The following COL4A4 variants were observed in gnomAD, a reference collection of about 807,000 sequenced individuals.
COL4A4 encodes the protein collagen alpha-4(IV) chain.
COL4A4 carries 105 observed loss-of-function variants against 192.9 expected under a neutral mutation model. The ratio of observed to expected loss-of-function variants is 0.54; its 90% CI spans 0.46 to 0.64. The LOEUF is 0.64. Among genes scored for constraint, COL4A4 ranks in the 30% least tolerant of loss-of-function variants. The pLI is 0.00. For missense variants in COL4A4, 1,967 were observed against 2,169.3 expected, an observed-to-expected ratio of 0.91 and a Z score of 1.85; for synonymous variants, 762 against 769.9, an observed-to-expected ratio of 0.99 and a Z score of 0.17.
intron 24 of COL4A4, among the ~76,000 whole-genome samples, chr2:227,078,500 G>T (rs1325948025): frequency 6.6e-6 from 1 of 152,156 alleles, no homozygotes; most frequent in Non-Finnish European, 1.5e-5. Flanking sequence ...CTCCCAAAGT[G>T]CAGGGATTAC....
At chr2:227,080,601 T>C in intron 23 of COL4A4, 52 bp from the exon 24 acceptor site, 1 of 1,501,122 alleles carries the variant, frequency 6.7e-7, no homozygotes, top group Non-Finnish European at 9.3e-7. Context: ...GAGGGTAAAG[T>C]AGGATAGAGA....
chr2:227,043,993 T>G (rs1971953638), intron 35 of COL4A4, among the ~76,000 whole-genome samples: 1 of 152,248 alleles, frequency 6.6e-6, no homozygotes, highest in Non-Finnish European at 1.5e-5. Flanking sequence ...GATAGGTCTC[T>G]TCAATTTCTA....
intron 1 of COL4A4, among the ~76,000 whole-genome samples, chr2:227,155,861 T>G (rs1431964127): frequency 2.0e-5 from 3 of 152,152 alleles, no homozygotes; most frequent in African/African-American, 4.8e-5. Context: ...ATATAAGTAA[T>G]TAATTAATTA....
At chr2:227,007,981 G>C (rs372763444) in intron 47 of COL4A4, 37 bp downstream of exon 47, 4 of 1,600,996 alleles carry the variant, frequency 2.5e-6, no homozygotes. Context: ...TTAGGAAATG[G>C]TGAATGAGCC....
intron 4 of COL4A4, among the ~76,000 whole-genome samples, chr2:227,126,916 A>T (rs1390911634): frequency 6.6e-6 from 1 of 152,204 alleles, no homozygotes; most frequent in Non-Finnish European, 1.5e-5. Flanking sequence ...TTATAATAGA[A>T]TTCACTTCAG....
Position 227,030,575 on chromosome 2 carries a change from G to A in COL4A4, c.3841C>T (p.Pro1281Ser). 1 of 1,609,142 alleles carries A rather than the reference G, an allele frequency of 6.2e-7. No homozygotes were observed. The highest frequency in any genetic ancestry group is 8.5e-7 in the Non-Finnish European group (1 of 1,178,098). Residue 1281 changes from proline (P) to serine (S), a missense_variant, in exon 41 of 48, where the codon CCT (proline) becomes TCT (serine). Transcript: ENST00000396625. The part of the protein sequence containing the change: ...PRGAPGPPGL[P>S]GSVDLLRGEP... ...CCTCTCAGAAGGTCAACACTCCCAG[G>A]GAGGCCTGGAGGCCCAGGTGCTCCT... is the stretch of plus-strand genomic sequence containing the variant.
At chr2:227,132,927 T>G (rs188095417) in intron 4 of COL4A4, among the ~76,000 whole-genome samples, 6 of 152,348 alleles carry the variant, frequency 3.9e-5, no homozygotes, top group African/African-American at 1.4e-4. Context: ...ATTCCTCATC[T>G]TAGCTAATTA....
chr2:227,117,847 T>A (rs1441892451), intron 7 of COL4A4, among the ~76,000 whole-genome samples: 1 of 152,182 alleles, frequency 6.6e-6, no homozygotes, highest in Non-Finnish European at 1.5e-5. Flanking sequence ...CTGGATACTA[T>A]CAACTGTTGC....
At chr2:226,977,897 G>A in the COL4A4 span, among the ~76,000 whole-genome samples, 10 of 152,280 alleles carry the variant, frequency 6.6e-5, no homozygotes, top group South Asian at 6.2e-4. Context: ...GCATTTTAAC[G>A]TAAATTTGAA....
At chr2:227,029,702 T>G (rs1445604318) in intron 41 of COL4A4, among the ~76,000 whole-genome samples, 1 of 152,244 alleles carries the variant, frequency 6.6e-6, no homozygotes, top group Non-Finnish European at 1.5e-5. Context: ...AAAGCTTCTT[T>G]GAACCTAAAA....
chr2:227,068,489 T>G (rs888918551), intron 25 of COL4A4, among the ~76,000 whole-genome samples: 1 of 152,134 alleles, frequency 6.6e-6, no homozygotes, highest in African/African-American at 2.4e-5. Flanking sequence ...GCAAACCGAA[T>G]CCAGCAGCAC....
At chr2:227,147,188 T>C in intron 2 of COL4A4, 1 of 666,028 alleles carries the variant, frequency 1.5e-6, no homozygotes, top group Non-Finnish European at 2.8e-6. Context: ...GGGCCTTTCC[T>C]TGTGCAACTT....
chr2:227,048,014 C>T (rs147251253), intron 34 of COL4A4, among the ~76,000 whole-genome samples: 3 of 152,120 alleles, frequency 2.0e-5, no homozygotes, highest in Admixed American at 1.3e-4. Flanking sequence ...AGGCATACTG[C>T]ATTGATGACA....
In COL4A4 at chr2:227,102,790, C is replaced by G; in HGVS notation, c.929G>C (p.Arg310Pro). ...EKGIPGFPGP[R>P]GDPGSYGSPG... ...ATGTTAACAGCAAATGATGCTTACC[C>G]GAGGCCCTGGAAATCCAGGAATACC... The change falls in exon 15 of 48, where the codon CGG becomes CCG. Residue 310 changes from arginine (R) to proline (P), a missense_variant and splice_region_variant. Arg to Pro is a moderately radical substitution (Grantham distance 103, BLOSUM62 -2). Transcript: ENST00000396625. The G allele has an allele frequency of 6.2e-7, 1 of 1,612,816 alleles. No homozygotes were observed. The highest frequency in any genetic ancestry group is 8.5e-7 in the Non-Finnish European group (1 of 1,178,904).
At chr2:227,108,783 C>T in intron 11 of COL4A4, 50 bp downstream of exon 11, 3 of 1,585,840 alleles carry the variant, frequency 1.9e-6, no homozygotes, top group Non-Finnish European at 2.6e-6. Flanking sequence ...AGTGGTCAAC[C>T]ATTTCATTGT....
At chr2:227,115,364 G>A (rs1273774948) in intron 7 of COL4A4, among the ~76,000 whole-genome samples, 5 of 146,988 alleles carry the variant, frequency 3.4e-5, no homozygotes, top group East Asian at 2.0e-4. Flanking sequence ...TCTGCCTCCC[G>A]GGTTCCTGCC....
chr2:227,004,593 G>C lies in COL4A4; in HGVS notation c.*2732C>G, dbSNP rs1043998157. ...CTGGGAGATGCCTACTGCAAGGGTG[G>C]AGGTGGAAAACAAAGGCTGTGTGAG... On this transcript the variant is annotated 3_prime_UTR_variant, in exon 48 of 48. Coordinates refer to ENST00000396625, the MANE Select transcript of COL4A4 (RefSeq NM_000092.5). The C allele has an allele frequency of 6.6e-6, 1 of 152,268 alleles. No homozygotes were observed. The highest frequency in any genetic ancestry group is 1.5e-5 in the Non-Finnish European group (1 of 68,092). 9.4% of individuals were successfully genotyped at this position (152,268 alleles called of 1,614,324 possible).
intron 21 of COL4A4, among the ~76,000 whole-genome samples, chr2:227,089,622 T>C (rs930637329): frequency 4.1e-5 from 6 of 146,138 alleles, no homozygotes; most frequent in African/African-American, 1.5e-4. Flanking sequence ...TACATATATA[T>C]AAATATATAA....
At chr2:227,140,867 T>G (rs1037135538) in intron 3 of COL4A4, among the ~76,000 whole-genome samples, 8 of 135,146 alleles carry the variant, frequency 5.9e-5, no homozygotes, top group African/African-American at 1.1e-4. Context: ...AACACTGTCT[T>G]TAGAGCATCA....
Sources: allele counts gnomAD v4.1 joint callset (sites outside exome capture counted in the v4.1 genomes callset), GRCh38; gene constraint gnomAD v4.1.1; transcripts MANE v1.5; gene names NCBI Gene and HGNC (gene_info 2026-07-23, HGNC 2026-07-21).